The following PCDHGA3 variants were observed in gnomAD, a reference collection of about 807,000 sequenced individuals.
The protein encoded by PCDHGA3 is protocadherin gamma subfamily A, 3.
In PCDHGA3, 40 loss-of-function variants were observed where a neutral mutation model predicts 58.5. The ratio of observed to expected loss-of-function variants is 0.68; its 90% CI spans 0.53 to 0.89. The LOEUF (loss-of-function observed/expected upper bound fraction) is 0.89, where lower values mean the gene tolerates loss of function less well. Ranked by LOEUF, PCDHGA3 falls within the 40% of genes least tolerant of loss-of-function variation. The pLI is 0.00. For synonymous variants in PCDHGA3, 530 were observed against 525.7 expected (o/e 1.01, Z -0.11); for missense variants, 1,223 against 1,195.9 (o/e 1.02, Z -0.33).
chr5:141,351,039 G>A lies in PCDHGA3; in HGVS notation c.2424+4582G>A, dbSNP rs369123623. The A allele has an allele frequency of 1.7e-5, 27 of 1,613,958 alleles. No individual in the cohort carries two copies. In the Middle Eastern group the frequency reaches 4.9e-4, roughly 29 times the overall value. On this transcript the variant is annotated intron_variant, in intron 1 of 3. Coordinates refer to ENST00000253812, the MANE Select transcript of PCDHGA3 (RefSeq NM_018916.4). The stretch of plus-strand genomic sequence containing the variant: ...GTACCGTGGGGAACCTCCGTGCTGC[G>A]GGTGATGGCCACAGACCAGGATGAG...
At chr5:141,457,412 C>A (rs2098919309) in intron 1 of PCDHGA3, among the ~76,000 whole-genome samples, 1 of 152,188 alleles carries the variant, frequency 6.6e-6, no homozygotes. Flanking sequence ...TCACATTACC[C>A]ATCCCTTTTT....
chr5:141,370,343 T>G (rs1460750317), intron 1 of PCDHGA3: 1 of 1,482,818 alleles, frequency 6.7e-7, no homozygotes, highest in African/African-American at 1.4e-5. Context: ...CTTGGGATTA[T>G]TTAAAGATCT....
At chr5:141,349,698 T>C (rs1327837035) in intron 1 of PCDHGA3, among the ~76,000 whole-genome samples, 1 of 152,178 alleles carries the variant, frequency 6.6e-6, no homozygotes, top group African/African-American at 2.4e-5. Context: ...GTAGGTATTT[T>C]AGTCAACTAA....
intron 1 of PCDHGA3, chr5:141,366,677 G>C (rs781103707): frequency 6.2e-7 from 1 of 1,614,148 alleles, no homozygotes; most frequent in Non-Finnish European, 8.5e-7. Context: ...CCTTAGTGAA[G>C]AGAGCTGTGA....
At chr5:141,385,964 C>T (rs1037246180) in intron 1 of PCDHGA3, 2 of 152,126 alleles carry the variant, frequency 1.3e-5, no homozygotes, top group South Asian at 2.1e-4. Context: ...TAAAGGCCAT[C>T]GGACAAAACC....
chr5:141,399,443 G>A, intron 1 of PCDHGA3: 1 of 1,614,018 alleles, frequency 6.2e-7, no homozygotes, highest in Non-Finnish European at 8.5e-7. Flanking sequence ...CTACATATCA[G>A]AGACGTCAAC....
At chr5:141,422,716 G>T (rs1348237465) in intron 1 of PCDHGA3, 1 of 1,604,378 alleles carries the variant, frequency 6.2e-7, no homozygotes, top group African/African-American at 1.3e-5. Context: ...GGATGACACT[G>T]TCCAGGGGGT....
At chr5:141,365,298 A>G in intron 1 of PCDHGA3, 1 of 1,613,990 alleles carries the variant, frequency 6.2e-7, no homozygotes, top group Non-Finnish European at 8.5e-7. Context: ...GTAGCTCAGG[A>G]TGGAGGCGCT....
At chr5:141,456,044 C>T (rs1307913066) in intron 1 of PCDHGA3, among the ~76,000 whole-genome samples, 2 of 151,826 alleles carry the variant, frequency 1.3e-5, no homozygotes, top group African/African-American at 2.4e-5. Context: ...ACTACAGGCG[C>T]CCACCACCAC....
Position 141,432,267 on chromosome 5 carries a change from C to T in PCDHGA3, c.2425-62540C>T, listed in dbSNP as rs746089276. 4.3e-6 allele frequency: 7 copies of T among 1,614,244 alleles called. No homozygotes were observed. On this transcript the variant is annotated intron_variant, in intron 1 of 3. Transcript: ENST00000253812. The surrounding 1 kb of genome is among the most constrained non-coding windows in gnomAD (Gnocchi z 6.0). ...ACCATCCAAGGGGCAAGCCTATCGT[C>T]CTACGTGTCCATCAACTCCGACACT...
At chr5:141,474,252 A>T (rs1381172188) in intron 1 of PCDHGA3, among the ~76,000 whole-genome samples, 1 of 152,200 alleles carries the variant, frequency 6.6e-6, no homozygotes, top group Non-Finnish European at 1.5e-5. Flanking sequence ...GGAAAAAAAG[A>T]CTGATAAACC....
intron 1 of PCDHGA3, among the ~76,000 whole-genome samples, chr5:141,492,080 G>A (rs576661909): frequency 6.6e-6 from 1 of 152,352 alleles, no homozygotes; most frequent in African/African-American, 2.4e-5. Context: ...GCCGGCTCCG[G>A]CACGCTTCGC....
intron 1 of PCDHGA3, among the ~76,000 whole-genome samples, chr5:141,470,737 G>A (rs117064561): frequency 6.6e-6 from 1 of 152,016 alleles, no homozygotes; most frequent in African/African-American, 2.4e-5. Flanking sequence ...TTGCTCTGTC[G>A]CCCTGGCTGG....
chr5:141,350,435 T>G, intron 1 of PCDHGA3: 1 of 1,609,644 alleles, frequency 6.2e-7, no homozygotes, highest in Admixed American at 1.7e-5. Context: ...TGTCCGGGAG[T>G]TGCCAACTCG....
intron 1 of PCDHGA3, chr5:141,427,871 GA>G: frequency 6.4e-7 from 1 of 1,559,532 alleles, no homozygotes; most frequent in Non-Finnish European, 8.8e-7. Context: ...TCGAGCTCAC[GA>G]TGCAGGCCCA....
chr5:141,357,079 C>A (rs760842215), intron 1 of PCDHGA3: 2 of 1,613,938 alleles, frequency 1.2e-6, no homozygotes, highest in Non-Finnish European at 1.7e-6. Flanking sequence ...AGGCGAGGTG[C>A]GCACCGCACG....
In PCDHGA3 at chr5:141,375,801, C is replaced by T; in HGVS notation, c.2424+29344C>T. ...CCCGCCCTCCCCACAGACGGTTCCA[C>T]TGGCGTGGAGCTGGCGCCCCGCTCC... On this transcript the variant is annotated intron_variant, in intron 1 of 3. Transcript: ENST00000253812. The T allele has an allele frequency of 2.5e-6, 4 of 1,614,248 alleles. No homozygotes were observed. The East Asian group carries it at 8.9e-5, about 36-fold the overall frequency.
chr5:141,478,221 C>A, intron 1 of PCDHGA3: 1 of 1,614,122 alleles, frequency 6.2e-7, no homozygotes, highest in Non-Finnish European at 8.5e-7. Context: ...ATCCTGGTTT[C>A]TGTGGGGTTT....
At chr5:141,421,473 C>G (rs907282414) in intron 1 of PCDHGA3, 14 of 1,614,112 alleles carry the variant, frequency 8.7e-6, no homozygotes, top group African/African-American at 1.3e-5. Flanking sequence ...ATCCGCGAAG[C>G]GGCAGCTTGA....
Sources: gnomAD v4.1 joint callset for allele counts (sites outside exome capture counted in the v4.1 genomes callset) on GRCh38, gnomAD v4.1.1 for gene constraint, Gnocchi (gnomAD v3.1) non-coding constraint, MANE v1.5 for transcripts, NCBI Gene and HGNC (gene_info 2026-07-23, HGNC 2026-07-21) for gene names.